The following PSD2 variants were observed in gnomAD, a reference collection of about 807,000 sequenced individuals.
PSD2 encodes PH and SEC7 domain-containing protein 2.
A neutral mutation model predicts 69.8 loss-of-function variants in PSD2; 38 were observed. That is an observed-to-expected ratio of 0.54 (90% CI 0.42 to 0.71). The LOEUF (loss-of-function observed/expected upper bound fraction) is 0.71, where lower values mean the gene tolerates loss of function less well. Ranked by LOEUF, PSD2 falls within the 30% of genes least tolerant of loss-of-function variation. The pLI is 0.00. For synonymous variants in PSD2, 412 were observed against 423.0 expected, an observed-to-expected ratio of 0.97 and a Z score of 0.32; for missense variants, 943 against 1,014.5, an observed-to-expected ratio of 0.93 and a Z score of 0.96.
upstream of PSD2, among the ~76,000 whole-genome samples, chr5:139,791,302 T>C (rs1169720730): frequency 6.6e-6 from 1 of 152,118 alleles, no homozygotes; most frequent in Admixed American, 6.5e-5. Flanking sequence ...TAGTGGTGCA[T>C]GCCTGTAGTC....
rs1414426361 is a variant in PSD2, at chr5:139,839,611, G to A, written c.1969-416G>A. On this transcript the variant is annotated intron_variant, in intron 13 of 14. Transcript: ENST00000274710. The surrounding 1 kb of genome is among the most constrained non-coding windows in gnomAD (Gnocchi z 5.1). ...TATCTGCGCATGAATGTAAGAGAAC[G>A]CGTGTATCATATGGAGCAGGGGATA... 6.6e-6 allele frequency among the ~76,000 whole-genome samples: 1 copy of A among 152,190 alleles called. No individual in the cohort carries two copies. Among genetic ancestry groups the A allele is most frequent in the African/African-American group, 2.4e-5 (1 of 41,434 alleles).
At position 139,814,289 on chromosome 5, in the gene PSD2, C is replaced by T. The variant is rs763943929; in HGVS notation, c.941C>T (p.Ala314Val). ...ANGCQGVSEA[A>V]HRLARRLYHL... ...GGGTGCCAGGGGGTCAGTGAAGCTG[C>T]TCATCGGCTGGCACGCCGTCTCTAC... Residue 314 changes from alanine (A) to valine (V), a missense_variant, in exon 4 of 15, where the codon GCT becomes GTT. Ala to Val is a moderately conservative substitution (Grantham distance 64). This residue lies in a region of PSD2 where 466 missense variants were observed against 445.0 expected (regional missense o/e 1.05). Coordinates refer to ENST00000274710, the MANE Select transcript of PSD2 (RefSeq NM_032289.4). This position sits in a 1 kb window ranked among gnomAD's most constrained non-coding sequence, Gnocchi z 4.4. 1 of 1,613,778 alleles carries T rather than the reference C, an allele frequency of 6.2e-7. No individual in the cohort carries two copies. Among genetic ancestry groups the T allele is most frequent in the Non-Finnish European group, 8.5e-7 (1 of 1,179,824 alleles).
the PSD2 span, among the ~76,000 whole-genome samples, chr5:139,779,422 A>G: frequency 6.6e-6 from 1 of 152,046 alleles, no homozygotes. Flanking sequence ...TCCCTCCTTT[A>G]CCCATCAAGT....
At chr5:139,804,130 T>C (rs1471882488) in intron 1 of PSD2, among the ~76,000 whole-genome samples, 4 of 152,188 alleles carry the variant, frequency 2.6e-5, no homozygotes, top group African/African-American at 7.2e-5. Context: ...TAAGTGTCTG[T>C]GTGTGTCTTG....
At position 139,842,400 on chromosome 5, in the gene PSD2, T is replaced by G; in HGVS notation, c.2242T>G (p.Ser748Ala). ...TGACCCTTCTCTCCGGAAGACACAT[T>G]CAAGCCCTGCCCTCAGCCAGGGCCA... The part of the protein sequence containing the change: ...GDDPSLRKTH[S>A]SPALSQGHVT... The change falls in exon 15 of 15, where the codon TCA becomes GCA. Residue 748 changes from serine (S) to alanine (A), a missense_variant. Physicochemically the swap from Ser to Ala is moderately conservative, Grantham distance 99. Transcript: ENST00000274710. 3 of 1,614,152 alleles carry G rather than the reference T, an allele frequency of 1.9e-6. No homozygotes were observed. Among genetic ancestry groups the G allele is most frequent in the Non-Finnish European group, 2.5e-6 (3 of 1,180,016 alleles).
chr5:139,836,777 C>T (rs1360393466), intron 9 of PSD2, 34 bp from the exon 10 acceptor site: 3 of 1,597,644 alleles, frequency 1.9e-6, no homozygotes, highest in Non-Finnish European at 1.7e-6. Context: ...CGAGGCCTCC[C>T]TGGAGGTGGT....
rs749357671 is a variant in PSD2, at chr5:139,842,412, C to T, written c.2254C>T (p.Leu752Phe). 1.2e-6 allele frequency: 2 copies of T among 1,614,080 alleles called. No individual in the cohort carries two copies. The highest frequency in any genetic ancestry group is 1.7e-6 in the Non-Finnish European group (2 of 1,180,030). ...SLRKTHSSPA[L>F]SQGHVTGSKT... ...CCGGAAGACACATTCAAGCCCTGCC[C>T]TCAGCCAGGGCCATGTGACTGGCAG... Residue 752 changes from leucine to phenylalanine, a missense_variant, in exon 15 of 15, where the codon CTC (leucine) becomes TTC (phenylalanine). Leu to Phe is a conservative substitution (Grantham distance 22). Coordinates refer to ENST00000274710, the MANE Select transcript of PSD2 (RefSeq NM_032289.4).
chr5:139,810,826 G>A (rs927750270), intron 2 of PSD2, among the ~76,000 whole-genome samples: 1 of 152,160 alleles, frequency 6.6e-6, no homozygotes, highest in African/African-American at 2.4e-5. Flanking sequence ...GCTTCTTAGA[G>A]CACACCGTAT....
chr5:139,760,254 T>A, the PSD2 span, among the ~76,000 whole-genome samples: 1 of 152,228 alleles, frequency 6.6e-6, no homozygotes, highest in Non-Finnish European at 1.5e-5. Flanking sequence ...TGAAGCTTCT[T>A]ACCAGGTGCT....
intron 5 of PSD2, among the ~76,000 whole-genome samples, chr5:139,818,300 TTTGGGAGG>T (rs1760174964): frequency 6.6e-6 from 1 of 152,146 alleles, no homozygotes; most frequent in Non-Finnish European, 1.5e-5. Flanking sequence ...ATCCCAGCAC[TTTGGGAGG>T]CCGAGGCTGG....
the PSD2 span, among the ~76,000 whole-genome samples, chr5:139,748,556 A>G: frequency 1.3e-5 from 2 of 151,980 alleles, no homozygotes; most frequent in South Asian, 4.1e-4. Context: ...CGAGCCCCCA[A>G]ACTCCCCTCC....
chr5:139,764,384 G>A, the PSD2 span, among the ~76,000 whole-genome samples: 4 of 152,320 alleles, frequency 2.6e-5, no homozygotes, highest in Admixed American at 6.5e-5. Context: ...GCTGGGGCGC[G>A]TACGTACATC....
At chr5:139,825,792 G>A (rs1226523129) in intron 7 of PSD2, among the ~76,000 whole-genome samples, 1 of 152,148 alleles carries the variant, frequency 6.6e-6, no homozygotes, top group Non-Finnish European at 1.5e-5. Context: ...ACATGGATTA[G>A]TCTGGGCCCG....
Position 139,822,796 on chromosome 5 carries a change from A to C in PSD2, c.1269+12A>C. On this transcript the variant is annotated intron_variant, in intron 7 of 14. Coordinates refer to ENST00000274710, the MANE Select transcript of PSD2 (RefSeq NM_032289.4). ...ACCTGCACGGCCACGTGAGTTGGGG[A>C]GGTGACGGGGGGTGTCGCATGTCCT... 1 of 1,601,926 alleles carries C rather than the reference A, an allele frequency of 6.2e-7. No individual in the cohort carries two copies. Among genetic ancestry groups the C allele is most frequent in the Non-Finnish European group, 8.5e-7 (1 of 1,173,824 alleles).
chr5:139,748,338 A>G, the PSD2 span, among the ~76,000 whole-genome samples: 116 of 152,162 alleles, frequency 7.6e-4, no homozygotes, highest in Non-Finnish European at 1.4e-3. Flanking sequence ...TAAAATACAC[A>G]TATTTGGGCA....
At position 139,814,306 on chromosome 5, in the gene PSD2, C is replaced by T. The variant is rs780382900; in HGVS notation, c.958C>T (p.Arg320Cys). 2.5e-6 allele frequency: 4 copies of T among 1,613,202 alleles called. No homozygotes were observed. Among genetic ancestry groups the T allele is most frequent in the Non-Finnish European group, 3.4e-6 (4 of 1,179,658 alleles). The stretch of plus-strand genomic sequence containing the variant: ...TGAAGCTGCTCATCGGCTGGCACGC[C>T]GTCTCTACCACCTCGAGGGCTTCCA... Reference protein sequence around the residue: ...VSEAAHRLARRLYHLEGFQRC... With the variant: ...VSEAAHRLARCLYHLEGFQRC... The change falls in exon 4 of 15, where the codon CGT (arginine) becomes TGT (cysteine). Residue 320 changes from arginine (R) to cysteine (C), a missense_variant. This residue lies in a region of PSD2 where 466 missense variants were observed against 445.0 expected (regional missense o/e 1.05). Transcript: ENST00000274710. This position sits in a 1 kb window ranked among gnomAD's most constrained non-coding sequence, Gnocchi z 4.4.
At chr5:139,817,786 C>G (rs1033776628) in intron 5 of PSD2, among the ~76,000 whole-genome samples, 1 of 152,158 alleles carries the variant, frequency 6.6e-6, no homozygotes, top group African/African-American at 2.4e-5. Flanking sequence ...AATTGTGACT[C>G]TAGGAGAGGA....
the PSD2 span, chr5:139,746,173 G>A: frequency 3.3e-5 from 5 of 152,288 alleles, no homozygotes; most frequent in East Asian, 3.9e-4. This position sits in a 1 kb window ranked among gnomAD's most constrained non-coding sequence, Gnocchi z 4.5. Flanking sequence ...TTCCCTCAAA[G>A]CTTGGCCTGG....
chr5:139,803,529 G>A lies in PSD2; in HGVS notation c.-50-5862G>A, dbSNP rs1759724173. Among the ~76,000 whole-genome samples the A allele has an allele frequency of 3.9e-5, 6 of 152,308 alleles. 1 individual carries two copies. The South Asian group carries it at 1.2e-3, about 32-fold the overall frequency. ...CTCTTGGCACCCCCCATTTATGGAG[G>A]AGGACACCGAGCTCAGATAGACAGG... On this transcript the variant is annotated intron_variant, in intron 1 of 14. Coordinates refer to ENST00000274710, the MANE Select transcript of PSD2 (RefSeq NM_032289.4).
Sources: allele counts gnomAD v4.1 joint callset (sites outside exome capture counted in the v4.1 genomes callset), GRCh38; gene constraint gnomAD v4.1.1; regional missense constraint gnomAD v4.1.1; non-coding constraint Gnocchi (gnomAD v3.1); transcripts MANE v1.5; gene names NCBI Gene and HGNC (gene_info 2026-07-23, HGNC 2026-07-21).